The following JMJD1C variants were observed in gnomAD, a reference collection of about 807,000 sequenced individuals.
The protein encoded by JMJD1C is jumonji domain containing 1C.
Under a neutral mutation model 245.3 loss-of-function variants are expected in JMJD1C, and 31 were observed. That is an observed-to-expected ratio of 0.13 (90% CI 0.09 to 0.17). The LOEUF (loss-of-function observed/expected upper bound fraction) is 0.17. Among genes scored for constraint, JMJD1C ranks in the 10% least tolerant of loss-of-function variants. The pLI, the probability that JMJD1C is intolerant of heterozygous loss-of-function variation, is 1.00. For synonymous variants in JMJD1C, 1,057 were observed against 1,017.4 expected (o/e 1.04, Z -0.74); for missense variants, 2,691 against 3,000.2 (o/e 0.90, Z 2.41).
intron 8 of JMJD1C, among the ~76,000 whole-genome samples, chr10:63,212,852 T>C (rs866542213): frequency 2.7e-5 from 4 of 150,866 alleles, no homozygotes; most frequent in African/African-American, 9.7e-5. Flanking sequence ...ATTATAATTA[T>C]TGCATAATTA....
At chr10:63,192,893 T>C (rs546885977) in intron 16 of JMJD1C, 45 bp downstream of exon 16, 3 of 1,377,246 alleles carry the variant, frequency 2.2e-6, no homozygotes, top group East Asian at 2.3e-5. Flanking sequence ...TGGTTAGTTA[T>C]ACTATACTCC....
chr10:63,485,319 ATACC>A (rs1330637375), intron 1 of JMJD1C, among the ~76,000 whole-genome samples: 1 of 152,070 alleles, frequency 6.6e-6, no homozygotes, highest in African/African-American at 2.4e-5. Flanking sequence ...TCCTCTTTCT[ATACC>A]TATTCTTTCA....
At chr10:63,174,782 CA>C (rs1397390210) in intron 24 of JMJD1C, among the ~76,000 whole-genome samples, 1 of 151,590 alleles carries the variant, frequency 6.6e-6, no homozygotes, top group Non-Finnish European at 1.5e-5. Flanking sequence ...TGCAGTGAGC[CA>C]AGATCGCGCC....
chr10:63,240,607 G>T (rs1358292177), intron 3 of JMJD1C, among the ~76,000 whole-genome samples: 1 of 152,178 alleles, frequency 6.6e-6, no homozygotes, highest in Non-Finnish European at 1.5e-5. Context: ...ATTATAAGAA[G>T]TCCAGCTATG....
intron 3 of JMJD1C, chr10:63,222,745 T>C (rs1848753838): frequency 1.3e-6 from 2 of 1,522,884 alleles, no homozygotes; most frequent in Middle Eastern, 2.3e-4. Flanking sequence ...GATTTAATGG[T>C]TGCTCACTGA....
chr10:63,381,531 A>G (rs1947218299), intron 1 of JMJD1C, among the ~76,000 whole-genome samples: 1 of 152,176 alleles, frequency 6.6e-6, no homozygotes, highest in Non-Finnish European at 1.5e-5. Context: ...GACTCTGTCT[A>G]TTCAAAAAAC....
At chr10:63,274,473 G>C (rs1023517273) in intron 2 of JMJD1C, among the ~76,000 whole-genome samples, 2 of 152,066 alleles carry the variant, frequency 1.3e-5, no homozygotes, top group African/African-American at 2.4e-5. Context: ...GCTGAGGTGG[G>C]AGGATCGCTT....
At chr10:63,260,450 A>G (rs1854553016) in intron 3 of JMJD1C, among the ~76,000 whole-genome samples, 2 of 152,290 alleles carry the variant, frequency 1.3e-5, no homozygotes, top group South Asian at 4.1e-4. Flanking sequence ...TAAAAGCTAA[A>G]TATTTCATTT....
intron 2 of JMJD1C, among the ~76,000 whole-genome samples, chr10:63,352,949 T>G (rs986749667): frequency 6.6e-6 from 1 of 152,106 alleles, no homozygotes; most frequent in Admixed American, 6.5e-5. Flanking sequence ...GGAGTTCCAC[T>G]AATGGAGGAA....
intron 2 of JMJD1C, among the ~76,000 whole-genome samples, chr10:63,358,443 G>A (rs10822161): frequency 0.43 from 64,552 of 151,472 alleles, 14,371 homozygotes; most frequent in South Asian, 0.53. Flanking sequence ...TGTACCTGTC[G>A]TCCCAGCTAC....
chr10:63,495,664 G>A (rs1173487168), intron 1 of JMJD1C, among the ~76,000 whole-genome samples: 1 of 151,078 alleles, frequency 6.6e-6, no homozygotes, highest in Non-Finnish European at 1.5e-5. Context: ...TCCCAGCTAC[G>A]TGGGAGGCTG....
At chr10:63,324,896 T>C (rs1173969179) in intron 2 of JMJD1C, among the ~76,000 whole-genome samples, 1 of 152,212 alleles carries the variant, frequency 6.6e-6, no homozygotes, top group African/African-American at 2.4e-5. Context: ...AAATTGTAAA[T>C]TGCTGGAGTC....
chr10:63,175,499 T>A (rs191440844), intron 24 of JMJD1C, among the ~76,000 whole-genome samples: 3 of 152,360 alleles, frequency 2.0e-5, no homozygotes, highest in Admixed American at 1.3e-4. Flanking sequence ...ACCTAAGTAG[T>A]ATTTGTATGG....
At chr10:63,427,293 G>A in intron 1 of JMJD1C, 1 of 730,752 alleles carries the variant, frequency 1.4e-6, no homozygotes, top group Non-Finnish European at 2.0e-6. Context: ...CTCCAGCCGG[G>A]ACGATGGTGA....
intron 1 of JMJD1C, chr10:63,427,642 A>T: frequency 7.5e-7 from 1 of 1,337,700 alleles, no homozygotes. Flanking sequence ...TGTTTACTGT[A>T]TGAACTCTAA....
intron 2 of JMJD1C, among the ~76,000 whole-genome samples, chr10:63,358,241 T>G (rs1044014669): frequency 3.2e-4 from 49 of 152,106 alleles, no homozygotes; most frequent in Admixed American, 2.9e-3. Flanking sequence ...CAAATAAAAC[T>G]CACTATGGCT....
chr10:63,185,919 TC>T (rs1477926545), intron 19 of JMJD1C, among the ~76,000 whole-genome samples: 1 of 152,216 alleles, frequency 6.6e-6, no homozygotes, highest in African/African-American at 2.4e-5. Flanking sequence ...CAATCTTACA[TC>T]TACACTTTTA....
intron 1 of JMJD1C, among the ~76,000 whole-genome samples, chr10:63,461,876 G>A (rs116759503): frequency 5.9e-5 from 9 of 152,234 alleles, no homozygotes; most frequent in Non-Finnish European, 8.8e-5. Flanking sequence ...AAATGGAAGC[G>A]AAGTTAAACA....
At chr10:63,377,456 C>T (rs1406105228) in intron 2 of JMJD1C, among the ~76,000 whole-genome samples, 2 of 152,050 alleles carry the variant, frequency 1.3e-5, no homozygotes, top group African/African-American at 4.8e-5. Context: ...AGCAGAGGGC[C>T]GGGCATGGTG....
Sources: gnomAD v4.1 joint callset for allele counts (sites outside exome capture counted in the v4.1 genomes callset) on GRCh38, gnomAD v4.1.1 for gene constraint, MANE v1.5 for transcripts, NCBI Gene and HGNC (gene_info 2026-07-23, HGNC 2026-07-21) for gene names.